CD226: variants seen among roughly 807,000 people sequenced by gnomAD.
CD226 encodes CD226 molecule, also known as CD226 antigen.
CD226 carries 24 observed loss-of-function variants against 34.9 expected under a neutral mutation model. That is an observed-to-expected ratio of 0.69 (90% CI 0.50 to 0.97). The LOEUF is 0.97. CD226 is among the 50% of genes least tolerant of loss of function. The pLI, the probability that CD226 is intolerant of heterozygous loss-of-function variation, is 0.00. For missense variants in CD226, 397 were observed against 412.7 expected (o/e 0.96, Z 0.33); for synonymous variants, 148 against 147.4 (o/e 1.00, Z -0.03).
intron 2 of CD226, among the ~76,000 whole-genome samples, chr18:69,904,010 T>C (rs2055219750): frequency 6.6e-6 from 1 of 152,104 alleles, no homozygotes; most frequent in Admixed American, 6.5e-5. Flanking sequence ...TTCACAACAC[T>C]GCTTCCCACA....
chr18:69,900,606 C>A lies in CD226; in HGVS notation c.383-4561G>T, dbSNP rs554977624. Among the ~76,000 whole-genome samples, 6 of 150,950 alleles carry A rather than the reference C, an allele frequency of 4.0e-5. No individual in the cohort carries two copies. The South Asian group carries it at 1.3e-3, about 32-fold the overall frequency. On this transcript the variant is annotated intron_variant, in intron 2 of 5. Transcript: ENST00000582621. Reference sequence around the variant, plus strand: ...AATTAGCCGGGCGCGGTGGCGGGCGCCTGTAGTCCCAGCTACTCGGGAGGC... The same window carrying A: ...AATTAGCCGGGCGCGGTGGCGGGCGACTGTAGTCCCAGCTACTCGGGAGGC...
intron 2 of CD226, among the ~76,000 whole-genome samples, chr18:69,903,127 T>C (rs1403439356): frequency 1.3e-5 from 2 of 152,012 alleles, no homozygotes; most frequent in African/African-American, 2.4e-5. Flanking sequence ...GGGCATGCAG[T>C]GTGGGAGGAC....
At chr18:69,957,985 G>A (rs1460311368), upstream of CD226, among the ~76,000 whole-genome samples, 4 of 152,154 alleles carry the variant, frequency 2.6e-5, no homozygotes, top group East Asian at 7.7e-4. Flanking sequence ...CTTACATTGT[G>A]TAATTTGAGG....
At position 69,861,086 on chromosome 18, in the gene CD226, C is replaced by T. The variant is rs182748429; in HGVS notation, c.*3228G>A. On this transcript the variant is annotated 3_prime_UTR_variant, in exon 6 of 6. Transcript: ENST00000582621. The stretch of plus-strand genomic sequence containing the variant: ...ATATAACTTGGATGTTCACAATCCA[C>T]GAATGCCTACTAAAAGTATTTTTAC... 5 of 152,114 alleles carry T rather than the reference C, an allele frequency of 3.3e-5. No individual in the cohort carries two copies. The highest frequency in any genetic ancestry group is 1.9e-4 in the East Asian group (1 of 5,190). 9.4% of individuals were successfully genotyped at this position (152,114 alleles called of 1,614,324 possible).
rs1194493913 is a variant in CD226 at position 69,863,067 on chromosome 18, G to C, written c.*1247C>G. The C allele has an allele frequency of 6.6e-6, 1 of 152,056 alleles. No individual in the cohort carries two copies. The highest frequency in any genetic ancestry group is 1.5e-5 in the Non-Finnish European group (1 of 68,002). The allele number at this position is 152,056 out of a possible 1,614,324, so 9.4% of individuals were successfully genotyped here. ...TGGTCTCTAATTGCTTTGACTGTTG[G>C]TGATGTCATTAGGGCTGTCTTTGTC... is the stretch of plus-strand genomic sequence containing the variant. On this transcript the variant is annotated 3_prime_UTR_variant, in exon 6 of 6. Coordinates refer to ENST00000582621, the MANE Select transcript of CD226 (RefSeq NM_001303618.2).
At chr18:69,927,992 A>G (rs1476264299) in intron 2 of CD226, among the ~76,000 whole-genome samples, 1 of 152,214 alleles carries the variant, frequency 6.6e-6, no homozygotes, top group Non-Finnish European at 1.5e-5. Context: ...TGAGTGGTAA[A>G]ATAACAAACT....
chr18:69,921,157 T>C (rs1053459082), intron 2 of CD226, among the ~76,000 whole-genome samples: 5 of 152,144 alleles, frequency 3.3e-5, no homozygotes, highest in Admixed American at 6.5e-5. Context: ...TGGAGCTTCT[T>C]ACACTCATGC....
At chr18:69,920,102 G>GT (rs1356712763) in intron 2 of CD226, among the ~76,000 whole-genome samples, 1 of 151,986 alleles carries the variant, frequency 6.6e-6, no homozygotes, top group Non-Finnish European at 1.5e-5. Context: ...AGGATCAAGG[G>GT]ATCTGCCTGC....
chr18:69,949,270 C>A (rs1233134116), upstream of CD226, among the ~76,000 whole-genome samples: 1 of 152,150 alleles, frequency 6.6e-6, no homozygotes, highest in African/African-American at 2.4e-5. Flanking sequence ...GAACATGGAG[C>A]CGCCGAGGAG....
chr18:69,884,859 G>T (rs1048973232), intron 3 of CD226, among the ~76,000 whole-genome samples: 1 of 152,200 alleles, frequency 6.6e-6, no homozygotes, highest in Non-Finnish European at 1.5e-5. Context: ...GTAATGGGTT[G>T]TATCTACTTG....
chr18:69,929,091 T>C (rs2055558224), intron 2 of CD226, among the ~76,000 whole-genome samples: 1 of 151,684 alleles, frequency 6.6e-6, no homozygotes, highest in Non-Finnish European at 1.5e-5. Context: ...TAGGGAAGAG[T>C]GGGGATTGTG....
At chr18:69,872,219 C>A (rs1254191543) in intron 4 of CD226, among the ~76,000 whole-genome samples, 1 of 152,022 alleles carries the variant, frequency 6.6e-6, no homozygotes, top group Non-Finnish European at 1.5e-5. Flanking sequence ...TGGTCCCTTC[C>A]TCCCCTAAGA....
At chr18:69,883,138 A>G (rs1436005956) in intron 3 of CD226, among the ~76,000 whole-genome samples, 5 of 152,192 alleles carry the variant, frequency 3.3e-5, no homozygotes, top group African/African-American at 4.8e-5. Flanking sequence ...AGTAGATGCA[A>G]CAAGTTCTCT....
intron 2 of CD226, among the ~76,000 whole-genome samples, chr18:69,916,764 T>C (rs997413055): frequency 1.4e-4 from 22 of 152,336 alleles, no homozygotes; most frequent in African/African-American, 5.3e-4. Flanking sequence ...TTATACTCAA[T>C]ATGAGCACCC....
intron 3 of CD226, among the ~76,000 whole-genome samples, chr18:69,890,309 G>C (rs1984814618): frequency 6.6e-6 from 1 of 152,038 alleles, no homozygotes; most frequent in Non-Finnish European, 1.5e-5. Flanking sequence ...ATTACAAATA[G>C]ATGCAGGCCA....
chr18:69,869,251 C>T (rs1008178968), intron 4 of CD226, among the ~76,000 whole-genome samples: 1 of 152,156 alleles, frequency 6.6e-6, no homozygotes, highest in Non-Finnish European at 1.5e-5. Context: ...ATGGAATCAA[C>T]CTCAATACCC....
chr18:69,889,729 T>A (rs913235625), intron 3 of CD226, among the ~76,000 whole-genome samples: 2 of 152,220 alleles, frequency 1.3e-5, no homozygotes, highest in Admixed American at 1.3e-4. Flanking sequence ...ATCATCTATA[T>A]ACGGATGTAT....
chr18:69,944,319 T>C (rs1279589341), intron 2 of CD226, among the ~76,000 whole-genome samples: 2 of 152,210 alleles, frequency 1.3e-5, no homozygotes, highest in African/African-American at 2.4e-5. Context: ...TATTCCTTCC[T>C]CTGACTGAAA....
chr18:69,920,643 T>C (rs1470748412), intron 2 of CD226, among the ~76,000 whole-genome samples: 1 of 152,192 alleles, frequency 6.6e-6, no homozygotes, highest in Non-Finnish European at 1.5e-5. Context: ...AAATTTAATA[T>C]ATACTAAGTA....
Sources: allele counts gnomAD v4.1 joint callset (sites outside exome capture counted in the v4.1 genomes callset), GRCh38; gene constraint gnomAD v4.1.1; transcripts MANE v1.5; gene names NCBI Gene and HGNC (gene_info 2026-07-23, HGNC 2026-07-21).